FCF1: variants seen among roughly 807,000 people sequenced by gnomAD.
The protein encoded by FCF1 is FCF1 rRNA-processing protein, also known as rRNA-processing protein FCF1 homolog.
FCF1 carries 17 observed loss-of-function variants against 32.5 expected under a neutral mutation model. The observed-to-expected ratio is 0.52, with a 90% confidence interval of 0.36 to 0.78. FCF1 has a LOEUF of 0.78. Among genes scored for constraint, FCF1 ranks in the 30% least tolerant of loss-of-function variants. The pLI is 0.00. For missense variants in FCF1, 201 were observed against 241.1 expected, an observed-to-expected ratio of 0.83 and a Z score of 1.10; for synonymous variants, 84 against 78.4, an observed-to-expected ratio of 1.07 and a Z score of -0.38.
chr14:74,715,991 C>T lies in FCF1; in HGVS notation c.184C>T (p.Gln62Ter). ...CTGCTTATTTTTCCAATATAATACA[C>T]AGCTGGGCCCACCTTACCACATCCT... ...PSCLFFQYNTQLGPPYHILVD... is the reference protein window; with the variant it reads ...PSCLFFQYNT Residue 62 changes from glutamine to a stop codon, truncating the protein, a stop_gained, in exon 4 of 8, where the codon CAG becomes TAG. Transcript: ENST00000341162. LOFTEE classifies it high-confidence loss of function. The T allele has an allele frequency of 6.2e-7, 1 of 1,613,988 alleles. No individual in the cohort carries two copies. Among genetic ancestry groups the T allele is most frequent in the Non-Finnish European group, 8.5e-7 (1 of 1,179,884 alleles).
At chr14:74,724,333 G>T (rs1421759651) in intron 5 of FCF1, among the ~76,000 whole-genome samples, 1 of 152,118 alleles carries the variant, frequency 6.6e-6, no homozygotes, top group East Asian at 1.9e-4. Flanking sequence ...ACCCAGGCTG[G>T]AGTGCAGTGG....
chr14:74,725,297 A>G (rs773977556), intron 5 of FCF1, among the ~76,000 whole-genome samples: 1 of 151,056 alleles, frequency 6.6e-6, no homozygotes, highest in African/African-American at 2.4e-5. Context: ...GATCCTCAAC[A>G]TGGTGAAACC....
At chr14:74,726,008 A>G (rs1488076730) in intron 5 of FCF1, among the ~76,000 whole-genome samples, 4 of 151,070 alleles carry the variant, frequency 2.6e-5, no homozygotes, top group Non-Finnish European at 5.9e-5. Flanking sequence ...GCAGTGAGCT[A>G]TGATCACACC....
chr14:74,734,287 A>G (rs80198388), intron 7 of FCF1, 117 bp downstream of exon 7: 10 of 621,046 alleles, frequency 1.6e-5, no homozygotes, highest in African/African-American at 1.1e-4. Context: ...AAATGTTTAC[A>G]TAGTTATATT....
At chr14:74,722,047 C>CTTTT (rs59367492) in intron 4 of FCF1, among the ~76,000 whole-genome samples, 49 of 121,382 alleles carry the variant, frequency 4.0e-4, no homozygotes, top group African/African-American at 1.2e-3. Flanking sequence ...TGGGTATTTT[C>CTTTT]TTTTTTTTTT....
intron 4 of FCF1, among the ~76,000 whole-genome samples, chr14:74,718,451 C>T (rs1255929104): frequency 6.6e-6 from 1 of 151,910 alleles, no homozygotes; most frequent in African/African-American, 2.4e-5. Flanking sequence ...GAACACATTG[C>T]CTTGTTTCAT....
intron 4 of FCF1, 140 bp from the exon 5 acceptor site, chr14:74,723,132 C>A (rs2090528695): frequency 3.2e-6 from 2 of 626,658 alleles, no homozygotes; most frequent in East Asian, 6.1e-5. Flanking sequence ...TACTCTAGTT[C>A]TTCTTGTATA....
chr14:74,716,028 A>G lies in FCF1; in HGVS notation c.221A>G (p.Asn74Ser). 1 of 1,613,674 alleles carries G rather than the reference A, an allele frequency of 6.2e-7. No individual in the cohort carries two copies. Residue 74 changes from asparagine to serine, a missense_variant, in exon 4 of 8, where the codon AAC becomes AGC. This residue lies in a region of FCF1 where 4 missense variants were observed against 18.3 expected (regional missense o/e 0.22). Coordinates refer to ENST00000341162, the MANE Select transcript of FCF1 (RefSeq NM_015962.5). ...CCTTACCACATCCTCGTTGATACCA[A>G]CTTTATCAACTTTTCCATAAAAGCC... ...GPPYHILVDTNFINFSIKAKL... is the reference protein window; with the variant it reads ...GPPYHILVDTSFINFSIKAKL...
intron 5 of FCF1, among the ~76,000 whole-genome samples, chr14:74,724,740 A>G (rs563708539): frequency 3.6e-4 from 55 of 152,248 alleles, no homozygotes; most frequent in African/African-American, 1.3e-3. Context: ...CCCTGTCTCC[A>G]CAAAAAGTAA....
chr14:74,714,779 A>T, intron 2 of FCF1, 93 bp from the exon 3 acceptor site: 3 of 103,132 alleles, frequency 2.9e-5, no homozygotes, highest in Non-Finnish European at 4.3e-5. Context: ...TCAGTAGACC[A>T]AAAAAAAAAA....
intron 5 of FCF1, 56 bp downstream of exon 5, chr14:74,723,400 TTTG>T (rs1487711206): frequency 1.7e-5 from 21 of 1,258,032 alleles, no homozygotes; most frequent in East Asian, 2.4e-5. Context: ...GATTCATCTG[TTTG>T]TTGTTTAAAG....
rs190025683 is a variant in FCF1, at chr14:74,713,610, G to A, written c.71+58G>A. The A allele has an allele frequency of 3.9e-4, 571 of 1,448,882 alleles. 3 individuals carry two copies. In the African/African-American group the frequency reaches 6.9e-3, roughly 17 times the overall value. 89.8% of individuals were successfully genotyped at this position (1,448,882 alleles called of 1,614,324 possible). A position where few individuals can be genotyped will look rare whatever the true frequency, so the allele number is the denominator to read the frequency against. On this transcript the variant is annotated intron_variant, in intron 2 of 7. Coordinates refer to ENST00000341162, the MANE Select transcript of FCF1 (RefSeq NM_015962.5). ...TCTAATAAGAGTCTAGAGAGGATAA[G>A]TAGTAAAAATGTTTGTTGTTATTAT... is the stretch of plus-strand genomic sequence containing the variant.
At chr14:74,731,525 A>C (rs1047980730) in intron 5 of FCF1, among the ~76,000 whole-genome samples, 8 of 152,126 alleles carry the variant, frequency 5.3e-5, no homozygotes, top group African/African-American at 1.9e-4. Flanking sequence ...ATGACTCCTC[A>C]TTACCTGTGT....
chr14:74,719,267 C>T (rs1233071721), intron 4 of FCF1, among the ~76,000 whole-genome samples: 1 of 150,542 alleles, frequency 6.6e-6, no homozygotes, highest in Non-Finnish European at 1.5e-5. Context: ...TACACTCCAG[C>T]CCAGGCAACA....
chr14:74,726,603 C>CTT (rs58398533), intron 5 of FCF1, among the ~76,000 whole-genome samples: 12 of 144,204 alleles, frequency 8.3e-5, no homozygotes, highest in African/African-American at 2.3e-4. Context: ...ACCCCCATCT[C>CTT]TTTTTTTTTT....
chr14:74,729,656 G>A (rs1195101213), intron 5 of FCF1, among the ~76,000 whole-genome samples: 4 of 152,046 alleles, frequency 2.6e-5, no homozygotes, highest in Admixed American at 6.6e-5. Context: ...TTTTGAATGC[G>A]TTTGCTCTTG....
rs189323401 is a variant in FCF1 at position 74,714,820 on chromosome 14, A to G, written c.72-52A>G. 1.4e-5 allele frequency: 21 copies of G among 1,508,428 alleles called. No homozygotes were observed. In the Admixed American group the frequency reaches 5.7e-4, roughly 41 times the overall value. 93.4% of individuals were successfully genotyped at this position (1,508,428 alleles called of 1,614,324 possible). The stretch of plus-strand genomic sequence containing the variant: ...GGAACTTTAGATTTTTGAGATTTTA[A>G]TTGCTGTGGTTTTTCTTCTCCCTTG... On this transcript the variant is annotated intron_variant, in intron 2 of 7. Coordinates refer to ENST00000341162, the MANE Select transcript of FCF1 (RefSeq NM_015962.5).
chr14:74,732,670 C>A, intron 5 of FCF1, 61 bp from the exon 6 acceptor site: 1 of 1,080,640 alleles, frequency 9.3e-7, no homozygotes, highest in Non-Finnish European at 1.4e-6. Context: ...ACTTTTATTG[C>A]ATTAATTAAG....
intron 4 of FCF1, among the ~76,000 whole-genome samples, chr14:74,721,165 C>T (rs1398494553): frequency 6.6e-6 from 1 of 151,996 alleles, no homozygotes; most frequent in Non-Finnish European, 1.5e-5. Context: ...CTGCCTCAGC[C>T]TCCTGAGTAT....
Sources: allele counts gnomAD v4.1 joint callset (sites outside exome capture counted in the v4.1 genomes callset), GRCh38; gene constraint gnomAD v4.1.1; regional missense constraint gnomAD v4.1.1; transcripts MANE v1.5; gene names NCBI Gene and HGNC (gene_info 2026-07-23, HGNC 2026-07-21).